NCAM2: variants seen among roughly 807,000 people sequenced by gnomAD.
NCAM2 encodes N-CAM-2.
In NCAM2, 30 loss-of-function variants were observed where a neutral mutation model predicts 98.1. The observed-to-expected ratio is 0.31, with a 90% confidence interval of 0.23 to 0.41. NCAM2 has a LOEUF of 0.41. NCAM2 is among the 10% of genes least tolerant of loss of function. NCAM2 has a pLI of 1.00. For synonymous variants in NCAM2, 368 were observed against 342.4 expected (o/e 1.07, Z -0.83); for missense variants, 867 against 1,005.8 (o/e 0.86, Z 1.87).
chr21:21,248,143 A>G (rs1261660802), intron 1 of NCAM2, among the ~76,000 whole-genome samples: 2 of 152,138 alleles, frequency 1.3e-5, no homozygotes, highest in African/African-American at 4.8e-5. Flanking sequence ...CCCTGAATTG[A>G]CAAAAAAGTA....
At chr21:21,166,022 C>T (rs1389257649) in intron 1 of NCAM2, among the ~76,000 whole-genome samples, 1 of 152,130 alleles carries the variant, frequency 6.6e-6, no homozygotes, top group Non-Finnish European at 1.5e-5. Context: ...GCTGTGATGC[C>T]TATTGCTTTA....
chr21:21,350,776 A>G (rs1283099195), intron 8 of NCAM2, among the ~76,000 whole-genome samples: 2 of 152,032 alleles, frequency 1.3e-5, no homozygotes, highest in Admixed American at 6.6e-5. Context: ...AAGCGTATCT[A>G]TTTTCCTTAG....
chr21:21,165,071 A>G (rs2067907299), intron 1 of NCAM2, among the ~76,000 whole-genome samples: 1 of 152,138 alleles, frequency 6.6e-6, no homozygotes, highest in African/African-American at 2.4e-5. Flanking sequence ...TCACTAGAAA[A>G]ACTCAGAGGA....
intron 5 of NCAM2, among the ~76,000 whole-genome samples, chr21:21,313,074 T>C (rs1448895909): frequency 2.0e-5 from 3 of 151,924 alleles, no homozygotes. Context: ...CTGATATCTC[T>C]TCTTTCAATC....
In NCAM2 at chr21:21,443,159, A is replaced by G. The variant is rs1402144512; in HGVS notation, c.1654+10878A>G. The stretch of plus-strand genomic sequence containing the variant: ...GATGAAGCTGGAAACCATCATTCTC[A>G]GTAAACTATCACAAGGACAGAAAAC... On this transcript the variant is annotated intron_variant, in intron 12 of 17. Transcript: ENST00000400546. Among the ~76,000 whole-genome samples, 3 of 152,186 alleles carry G rather than the reference A, an allele frequency of 2.0e-5. No individual in the cohort carries two copies. The South Asian group carries it at 6.2e-4, about 31-fold the overall frequency.
At chr21:21,365,747 A>G (rs1242789509) in intron 8 of NCAM2, among the ~76,000 whole-genome samples, 1 of 152,056 alleles carries the variant, frequency 6.6e-6, no homozygotes, top group Non-Finnish European at 1.5e-5. Context: ...TAAAAATTGT[A>G]TATATTGAAA....
At chr21:21,071,802 G>A (rs1267656251) in intron 1 of NCAM2, among the ~76,000 whole-genome samples, 1 of 151,974 alleles carries the variant, frequency 6.6e-6, no homozygotes, top group Non-Finnish European at 1.5e-5. Context: ...AAAGGGAAAT[G>A]GAAAAAAGAT....
At chr21:21,069,727 G>T (rs983421330) in intron 1 of NCAM2, among the ~76,000 whole-genome samples, 2 of 152,082 alleles carry the variant, frequency 1.3e-5, no homozygotes, top group African/African-American at 4.8e-5. Flanking sequence ...CATTTCCTAG[G>T]GGTAGAGGTA....
At chr21:21,065,579 C>T (rs1020415077) in intron 1 of NCAM2, among the ~76,000 whole-genome samples, 6 of 152,050 alleles carry the variant, frequency 3.9e-5, no homozygotes, top group Admixed American at 6.6e-5. Flanking sequence ...GTAAGTATCT[C>T]GTCATTAAAA....
At chr21:21,482,867 C>T (rs74937571) in intron 15 of NCAM2, among the ~76,000 whole-genome samples, 2,366 of 151,692 alleles carry the variant, frequency 0.016, 68 homozygotes, top group African/African-American at 0.055. Flanking sequence ...TGTTCCTTTT[C>T]AGAATATTCA....
chr21:21,267,246 G>A (rs1423573839), intron 1 of NCAM2, among the ~76,000 whole-genome samples: 1 of 152,130 alleles, frequency 6.6e-6, no homozygotes, highest in Non-Finnish European at 1.5e-5. Context: ...GAAACTTGGT[G>A]ACTCCAAGCA....
rs1005312828 is a variant in NCAM2, at chr21:21,258,127, G to A, written c.56-22451G>A. On this transcript the variant is annotated intron_variant, in intron 1 of 17. Transcript: ENST00000400546. ...TTTTCATTATCTGGAAAAACAACTT[G>A]GGTAGAAGAAGTGGAACATTACCTG... Among the ~76,000 whole-genome samples, 3 of 152,158 alleles carry A rather than the reference G, an allele frequency of 2.0e-5. No homozygotes were observed. In the East Asian group the frequency reaches 5.8e-4, roughly 29 times the overall value.
chr21:21,030,813 C>A (rs1017655888), intron 1 of NCAM2, among the ~76,000 whole-genome samples: 2 of 152,026 alleles, frequency 1.3e-5, no homozygotes, highest in Non-Finnish European at 1.5e-5. Flanking sequence ...TTAAACACAG[C>A]AACTGACTTT....
chr21:21,397,309 G>A (rs562780300), intron 9 of NCAM2, among the ~76,000 whole-genome samples: 3 of 152,260 alleles, frequency 2.0e-5, no homozygotes, highest in South Asian at 4.1e-4. Context: ...TGGACCCTCA[G>A]CTTTCTGCCC....
At chr21:21,476,847 G>T (rs766664676) in intron 14 of NCAM2, among the ~76,000 whole-genome samples, 1 of 151,740 alleles carries the variant, frequency 6.6e-6, no homozygotes, top group Non-Finnish European at 1.5e-5. Context: ...TTTATTTCAA[G>T]ATACTTTATC....
intron 1 of NCAM2, among the ~76,000 whole-genome samples, chr21:21,094,682 T>C (rs534243230): frequency 6.6e-6 from 1 of 151,824 alleles, no homozygotes; most frequent in Non-Finnish European, 1.5e-5. Flanking sequence ...TGTTTTGAAC[T>C]GTAAAAATCA....
intron 15 of NCAM2, among the ~76,000 whole-genome samples, chr21:21,502,175 A>G (rs889041019): frequency 6.6e-6 from 1 of 151,886 alleles, no homozygotes; most frequent in African/African-American, 2.4e-5. Context: ...TTTAGACTAT[A>G]CTCATGCCTC....
intron 12 of NCAM2, among the ~76,000 whole-genome samples, chr21:21,459,717 C>T (rs1045126631): frequency 6.6e-6 from 1 of 151,130 alleles, no homozygotes; most frequent in Non-Finnish European, 1.5e-5. Context: ...TGGTGGTTGC[C>T]AGGAGTGAGA....
At chr21:21,474,527 G>A (rs9982933) in intron 14 of NCAM2, among the ~76,000 whole-genome samples, 2 of 151,312 alleles carry the variant, frequency 1.3e-5, no homozygotes, top group African/African-American at 4.9e-5. Flanking sequence ...GGGTAATTAA[G>A]GTCTCATTTT....
Sources: gnomAD v4.1 joint callset for allele counts (sites outside exome capture counted in the v4.1 genomes callset) on GRCh38, gnomAD v4.1.1 for gene constraint, MANE v1.5 for transcripts, NCBI Gene and HGNC (gene_info 2026-07-23, HGNC 2026-07-21) for gene names.